ADCY2: variants seen among roughly 807,000 people sequenced by gnomAD.
ADCY2 encodes the protein adenylate cyclase type 2.
A neutral mutation model predicts 125.2 loss-of-function variants in ADCY2; 31 were observed. The observed-to-expected ratio is 0.25, with a 90% CI of 0.19 to 0.33. The LOEUF is 0.33. ADCY2 is among the 10% of genes least tolerant of loss of function. The pLI is 1.00. For synonymous variants in ADCY2, 512 were observed against 548.4 expected (o/e 0.93, Z 0.93); for missense variants, 904 against 1,418.2 (o/e 0.64, Z 5.82).
In ADCY2 at chr5:7,766,670, A is replaced by C; in HGVS notation, c.2095-17A>C. 1.9e-6 allele frequency: 3 copies of C among 1,609,428 alleles called. No individual in the cohort carries two copies. ...CTAATTTACATTAATTCATTGAAAAAAACCTTCTCTTTGCAGTTTTTCCTG... is the reference window on the plus strand; with the variant it reads ...CTAATTTACATTAATTCATTGAAAACAACCTTCTCTTTGCAGTTTTTCCTG... On this transcript the variant is annotated splice_polypyrimidine_tract_variant and intron_variant, in intron 16 of 24. Coordinates refer to ENST00000338316, the MANE Select transcript of ADCY2 (RefSeq NM_020546.3).
At chr5:7,793,763 T>C (rs985484908) in intron 20 of ADCY2, 2 of 152,254 alleles carry the variant, frequency 1.3e-5, no homozygotes, top group African/African-American at 4.8e-5. Flanking sequence ...TGTGTGTACA[T>C]AGGGACCTGT....
chr5:7,422,110 AAAAC>A lies in ADCY2; in HGVS notation c.408+7360_408+7363del, dbSNP rs201494787. Among the ~76,000 whole-genome samples, 593 of 152,332 alleles carry A rather than the reference AAAAC, an allele frequency of 3.9e-3. 2 individuals are homozygous for A. Among genetic ancestry groups the A allele is most frequent in the Non-Finnish European group, 4.9e-3 (333 of 68,044 alleles). On this transcript the variant is annotated intron_variant, in intron 2 of 24. Coordinates refer to ENST00000338316, the MANE Select transcript of ADCY2 (RefSeq NM_020546.3). ...TTAAATCCTTCTTGCCTGTTACATT[AAAAC>A]AAACAAACAAACAAACAAAAAAACA...
intron 2 of ADCY2, among the ~76,000 whole-genome samples, chr5:7,415,044 T>C (rs1166220327): frequency 1.3e-5 from 2 of 152,146 alleles, no homozygotes; most frequent in East Asian, 3.8e-4. Flanking sequence ...TGTATGTATA[T>C]GTGTGTGTGT....
At chr5:7,622,804 TGCACAGGGCCAGGCA>T (rs1246510926) in intron 3 of ADCY2, among the ~76,000 whole-genome samples, 1 of 152,226 alleles carries the variant, frequency 6.6e-6, no homozygotes, top group Non-Finnish European at 1.5e-5. Flanking sequence ...ACTGGCTCTG[TGCACAGGGCCAGGCA>T]GCACAGCGGG....
intron 2 of ADCY2, among the ~76,000 whole-genome samples, chr5:7,436,885 T>C (rs1368695152): frequency 6.6e-6 from 1 of 152,178 alleles, no homozygotes; most frequent in Non-Finnish European, 1.5e-5. Context: ...TCTTTTGATG[T>C]CAGGCCAGCT....
At chr5:7,823,283 T>C (rs762046994) in intron 24 of ADCY2, among the ~76,000 whole-genome samples, 2 of 152,334 alleles carry the variant, frequency 1.3e-5, no homozygotes, top group Admixed American at 1.3e-4. Flanking sequence ...TCCAACCAAA[T>C]TGGCCATTGC....
At chr5:7,721,867 C>T (rs540648723) in intron 12 of ADCY2, among the ~76,000 whole-genome samples, 26 of 152,212 alleles carry the variant, frequency 1.7e-4, no homozygotes, top group East Asian at 5.8e-4. Flanking sequence ...ATATTCTATA[C>T]GGGAAAATCT....
intron 2 of ADCY2, among the ~76,000 whole-genome samples, chr5:7,478,432 TAA>T (rs1742599935): frequency 6.6e-6 from 1 of 152,244 alleles, no homozygotes. Flanking sequence ...TGTGTATACA[TAA>T]GTGTGTATAT....
chr5:7,724,053 A>G (rs1320981939), intron 12 of ADCY2, among the ~76,000 whole-genome samples: 1 of 149,474 alleles, frequency 6.7e-6, no homozygotes, highest in Non-Finnish European at 1.5e-5. Context: ...CTTCTCACCC[A>G]AATCTTAAAA....
chr5:7,478,986 C>T (rs1056432167), intron 2 of ADCY2, among the ~76,000 whole-genome samples: 1 of 152,030 alleles, frequency 6.6e-6, no homozygotes, highest in Non-Finnish European at 1.5e-5. Flanking sequence ...AAATATTTAT[C>T]TTTTATTTTA....
chr5:7,635,731 A>G (rs1351725255), intron 4 of ADCY2, among the ~76,000 whole-genome samples: 3 of 152,230 alleles, frequency 2.0e-5, no homozygotes, highest in Non-Finnish European at 4.4e-5. Flanking sequence ...AAAAGGGTCC[A>G]GGACCAAACC....
intron 22 of ADCY2, 55 bp from the exon 23 acceptor site, chr5:7,816,811 C>G: frequency 6.9e-7 from 1 of 1,441,426 alleles, no homozygotes. Flanking sequence ...CAAAGGGGAA[C>G]AGTTTCCAGC....
chr5:7,776,759 T>C (rs1342140811), intron 18 of ADCY2, among the ~76,000 whole-genome samples: 2 of 152,200 alleles, frequency 1.3e-5, no homozygotes, highest in African/African-American at 4.8e-5. Flanking sequence ...GAAAGAAGAA[T>C]AAGCTGGCTT....
At chr5:7,461,127 G>A (rs919691455) in intron 2 of ADCY2, among the ~76,000 whole-genome samples, 6 of 152,138 alleles carry the variant, frequency 3.9e-5, no homozygotes, top group African/African-American at 1.4e-4. Flanking sequence ...CACAAGGCAT[G>A]ATGCCTGGGA....
At chr5:7,585,276 C>T (rs765295862) in intron 3 of ADCY2, among the ~76,000 whole-genome samples, 20 of 152,120 alleles carry the variant, frequency 1.3e-4, no homozygotes, top group Non-Finnish European at 2.8e-4. Context: ...GTCAAATTCT[C>T]CCATCTTCTG....
chr5:7,424,601 GA>G (rs1403451659), intron 2 of ADCY2, among the ~76,000 whole-genome samples: 1 of 152,192 alleles, frequency 6.6e-6, no homozygotes, highest in Non-Finnish European at 1.5e-5. Flanking sequence ...ATGTTATTTG[GA>G]AAAACTTCGT....
intron 7 of ADCY2, among the ~76,000 whole-genome samples, chr5:7,700,420 G>T (rs1376486906): frequency 2.6e-5 from 4 of 151,642 alleles, no homozygotes; most frequent in Non-Finnish European, 5.9e-5. Flanking sequence ...CCTTTTGTTT[G>T]CTGACTGCAT....
At chr5:7,523,919 A>T (rs559143046) in intron 3 of ADCY2, among the ~76,000 whole-genome samples, 97 of 152,304 alleles carry the variant, frequency 6.4e-4, no homozygotes, top group Middle Eastern at 3.4e-3. Context: ...TTTCGCACAG[A>T]TCCATGTTAA....
chr5:7,661,254 A>C (rs1260483808), intron 4 of ADCY2, among the ~76,000 whole-genome samples: 1 of 152,218 alleles, frequency 6.6e-6, no homozygotes, highest in Non-Finnish European at 1.5e-5. Flanking sequence ...TCACAAGTTA[A>C]AATTAAGGGT....
Sources: gnomAD v4.1 joint callset for allele counts (sites outside exome capture counted in the v4.1 genomes callset) on GRCh38, gnomAD v4.1.1 for gene constraint, MANE v1.5 for transcripts, NCBI Gene and HGNC (gene_info 2026-07-23, HGNC 2026-07-21) for gene names.